The following SPAG16 variants were observed in gnomAD, a reference collection of about 807,000 sequenced individuals.
SPAG16 encodes sperm-associated antigen 16 protein.
SPAG16 carries 86 observed loss-of-function variants against 80.4 expected under a neutral mutation model. That is an observed-to-expected ratio of 1.07 (90% CI 0.90 to 1.28). The LOEUF is 1.28. Ranked by LOEUF, SPAG16 falls within the 50% of genes most tolerant of loss-of-function variation. SPAG16 has a pLI of 0.00. For missense variants in SPAG16, 870 were observed against 765.3 expected (o/e 1.14, Z -1.61); for synonymous variants, 294 against 265.9 (o/e 1.11, Z -1.03).
intron 9 of SPAG16, among the ~76,000 whole-genome samples, chr2:213,400,283 C>T (rs553944018): frequency 7.2e-5 from 11 of 152,200 alleles, no homozygotes; most frequent in African/African-American, 2.4e-4. Context: ...GTACTTAATA[C>T]TATTAATTTT....
rs1052020387 is a variant in SPAG16, at chr2:213,317,157, A to G, written c.399-62A>G. The G allele has an allele frequency of 1.9e-5, 21 of 1,120,780 alleles. No individual in the cohort carries two copies. The Middle Eastern group carries it at 6.4e-4, about 34-fold the overall frequency. 69.4% of individuals were successfully genotyped at this position (1,120,780 alleles called of 1,614,324 possible). On this transcript the variant is annotated intron_variant, in intron 4 of 15. Transcript: ENST00000331683. ...TGAGACTTAACTTTTTGAATTGTACATAAATTAAGCCAATTTGGCAGAAAG... is the reference window on the plus strand; with the variant it reads ...TGAGACTTAACTTTTTGAATTGTACGTAAATTAAGCCAATTTGGCAGAAAG...
chr2:213,345,004 A>C (rs575730420), intron 6 of SPAG16, among the ~76,000 whole-genome samples: 3,736 of 151,848 alleles, frequency 0.025, 142 homozygotes, highest in African/African-American at 0.086. Flanking sequence ...TCAACAGTGT[A>C]AAAGTGTTCC....
Position 213,317,347 on chromosome 2 carries a change from A to T in SPAG16, c.527A>T (p.Gln176Leu). The change falls in exon 5 of 16, where the codon CAA becomes CTA. Residue 176 changes from glutamine to leucine, a missense_variant. Transcript: ENST00000331683. Reference sequence around the variant, plus strand: ...AAGAAAGATTTGAAGCACTACAAACAAGCAGCTGAGTATGTTATTTTTTAA... The same window carrying T: ...AAGAAAGATTTGAAGCACTACAAACTAGCAGCTGAGTATGTTATTTTTTAA... ...NLKKDLKHYK[Q>L]AADKAREDLL... 1 of 1,607,794 alleles carries T rather than the reference A, an allele frequency of 6.2e-7. No individual in the cohort carries two copies. Among genetic ancestry groups the T allele is most frequent in the Admixed American group, 1.7e-5 (1 of 58,900 alleles).
rs898360229 is a variant in SPAG16 at position 213,619,229 on chromosome 2, T to C, written c.1070+129139T>C. On this transcript the variant is annotated intron_variant, in intron 10 of 15. Transcript: ENST00000331683. The stretch of plus-strand genomic sequence containing the variant: ...TCAAAATGGATTAAACACTTAAATA[T>C]AGGATCTGAAACTGTGGAACTACTA... Among the ~76,000 whole-genome samples the C allele has an allele frequency of 2.6e-5, 4 of 152,046 alleles. No homozygotes were observed. The South Asian group carries it at 8.3e-4, about 32-fold the overall frequency.
chr2:214,057,962 G>A (rs1253332982), intron 13 of SPAG16, among the ~76,000 whole-genome samples: 1 of 151,830 alleles, frequency 6.6e-6, no homozygotes, highest in East Asian at 1.9e-4. Context: ...TAGAACTGAA[G>A]AGAGTTAAGG....
intron 10 of SPAG16, among the ~76,000 whole-genome samples, chr2:213,599,022 TG>T (rs1454922814): frequency 1.6e-4 from 24 of 152,220 alleles, no homozygotes; most frequent in Non-Finnish European, 7.3e-5. Context: ...TGTCTCCTCA[TG>T]GTCATTCTTT....
intron 15 of SPAG16, among the ~76,000 whole-genome samples, chr2:214,297,831 T>C (rs575450341): frequency 1.5e-4 from 22 of 151,658 alleles, no homozygotes; most frequent in Non-Finnish European, 2.7e-4. Flanking sequence ...CTCTTTTTTT[T>C]TTTTTGGTTT....
At chr2:214,145,083 G>T (rs2055570884) in intron 14 of SPAG16, among the ~76,000 whole-genome samples, 1 of 151,814 alleles carries the variant, frequency 6.6e-6, no homozygotes, top group South Asian at 2.1e-4. Context: ...TTTATATTAA[G>T]GAATACTATT....
chr2:213,852,543 C>A (rs1575354518), intron 10 of SPAG16, among the ~76,000 whole-genome samples: 1 of 152,022 alleles, frequency 6.6e-6, no homozygotes, highest in African/African-American at 2.4e-5. Flanking sequence ...TTGAGTGCAC[C>A]ACCTCCTTGC....
chr2:213,740,975 A>G (rs1419848492), intron 10 of SPAG16, among the ~76,000 whole-genome samples: 1 of 152,224 alleles, frequency 6.6e-6, no homozygotes, highest in Admixed American at 6.5e-5. Context: ...ATATCATGCC[A>G]TAGTGTGAGT....
At chr2:214,390,821 G>T (rs1701037474) in intron 15 of SPAG16, among the ~76,000 whole-genome samples, 1 of 152,170 alleles carries the variant, frequency 6.6e-6, no homozygotes, top group Admixed American at 6.5e-5. Context: ...ATCTGAAATG[G>T]AGCTGCCAGT....
intron 10 of SPAG16, among the ~76,000 whole-genome samples, chr2:213,676,669 A>G (rs2125242329): frequency 6.6e-6 from 1 of 152,138 alleles, no homozygotes; most frequent in Non-Finnish European, 1.5e-5. Flanking sequence ...GATTCTGCTT[A>G]TATGCTGGAT....
intron 10 of SPAG16, among the ~76,000 whole-genome samples, chr2:213,741,412 C>A (rs1017562478): frequency 1.3e-5 from 2 of 151,972 alleles, no homozygotes; most frequent in Non-Finnish European, 2.9e-5. Flanking sequence ...CCATTGCCTT[C>A]AAAAACCAGA....
chr2:214,174,315 G>A (rs2056992155), intron 15 of SPAG16, among the ~76,000 whole-genome samples: 2 of 151,932 alleles, frequency 1.3e-5, no homozygotes, highest in Admixed American at 6.6e-5. Flanking sequence ...TGACATGATT[G>A]TATATCTAGA....
intron 15 of SPAG16, among the ~76,000 whole-genome samples, chr2:214,252,093 A>G (rs963063069): frequency 2.0e-5 from 3 of 152,082 alleles, no homozygotes; most frequent in African/African-American, 4.8e-5. Flanking sequence ...AGAGGAAAGT[A>G]TTTCCCATTT....
At chr2:213,582,512 A>G (rs2060331124) in intron 10 of SPAG16, among the ~76,000 whole-genome samples, 1 of 152,184 alleles carries the variant, frequency 6.6e-6, no homozygotes, top group Non-Finnish European at 1.5e-5. Context: ...TATAGTGATT[A>G]GAGATTGGGG....
intron 15 of SPAG16, among the ~76,000 whole-genome samples, chr2:214,187,804 G>A (rs1332781018): frequency 6.6e-6 from 1 of 150,716 alleles, no homozygotes; most frequent in African/African-American, 2.4e-5. Flanking sequence ...CTGGTCGGAG[G>A]AAAGGATGAA....
At chr2:213,641,300 A>G (rs2062580246) in intron 10 of SPAG16, among the ~76,000 whole-genome samples, 1 of 152,230 alleles carries the variant, frequency 6.6e-6, no homozygotes, top group Non-Finnish European at 1.5e-5. Context: ...TCTGTCAACA[A>G]CAAACAGTGC....
chr2:213,918,765 T>G (rs2078081047), intron 11 of SPAG16, among the ~76,000 whole-genome samples: 1 of 152,188 alleles, frequency 6.6e-6, no homozygotes, highest in African/African-American at 2.4e-5. Flanking sequence ...AGCATGAAAA[T>G]GGACTAATAC....
Sources: gnomAD v4.1 joint callset for allele counts (sites outside exome capture counted in the v4.1 genomes callset) on GRCh38, gnomAD v4.1.1 for gene constraint, MANE v1.5 for transcripts, NCBI Gene and HGNC (gene_info 2026-07-23, HGNC 2026-07-21) for gene names.